Variants in PPP2R5C observed in about 807,000 individuals in gnomAD.
PPP2R5C encodes the protein protein phosphatase 2 regulatory subunit B'gamma.
In PPP2R5C, 7 loss-of-function variants were observed where a neutral mutation model predicts 68.9. The observed-to-expected ratio is 0.10, with a 90% CI of 0.06 to 0.19. PPP2R5C has a LOEUF of 0.19. PPP2R5C is among the 10% of genes least tolerant of loss of function. The probability of loss-of-function intolerance (pLI) is 1.00; values close to 1 mark genes in which losing one functional copy is unlikely to be tolerated. For synonymous variants in PPP2R5C, 210 were observed against 222.2 expected (o/e 0.95, Z 0.49); for missense variants, 348 against 641.3 (o/e 0.54, Z 4.94).
At chr14:101,869,477 G>T (rs1173981634) in intron 2 of PPP2R5C, among the ~76,000 whole-genome samples, 1 of 152,174 alleles carries the variant, frequency 6.6e-6, no homozygotes, top group Non-Finnish European at 1.5e-5. Context: ...TGGTAAGTGT[G>T]TGTTGAGCTT....
At chr14:101,839,865 G>A (rs955995128) in intron 1 of PPP2R5C, among the ~76,000 whole-genome samples, 1 of 152,214 alleles carries the variant, frequency 6.6e-6, no homozygotes, top group Non-Finnish European at 1.5e-5. Flanking sequence ...CATGAAGCCT[G>A]GCTCTCAGTG....
chr14:101,850,136 GC>G (rs33995951), intron 1 of PPP2R5C, among the ~76,000 whole-genome samples: 22,674 of 152,182 alleles, frequency 0.15, 1,895 homozygotes, highest in Non-Finnish European at 0.19. Context: ...GCTAGTAAAA[GC>G]TCCCCTCTGA....
chr14:101,924,327 AAGACAATGGATTGG>A (rs2047166447), intron 13 of PPP2R5C, among the ~76,000 whole-genome samples: 1 of 152,074 alleles, frequency 6.6e-6, no homozygotes, highest in South Asian at 2.1e-4. Context: ...AGACTTTAGA[AAGACAATGGATTGG>A]AGAAGAGAGT....
intron 2 of PPP2R5C, among the ~76,000 whole-genome samples, chr14:101,863,636 C>G (rs905954243): frequency 6.6e-6 from 1 of 152,114 alleles, no homozygotes; most frequent in Non-Finnish European, 1.5e-5. Flanking sequence ...GTGGCTCACA[C>G]CTGTAATCCC....
chr14:101,916,722 T>C lies in PPP2R5C; in HGVS notation c.1327-1109T>C, dbSNP rs1171585363. ...GGGGCAGGGGTGAGGGGGCAGGGGG[T>C]GAGAGGCAGGGGTGAAGCAGGTCAG... is the stretch of plus-strand genomic sequence containing the variant. On this transcript the variant is annotated intron_variant, in intron 12 of 13. Coordinates refer to ENST00000334743, the Ensembl canonical transcript of PPP2R5C. The surrounding 1 kb of genome is among the most constrained non-coding windows in gnomAD (Gnocchi z 5.5). Among the ~76,000 whole-genome samples the C allele has an allele frequency of 1.4e-5, 2 of 142,178 alleles. No homozygotes were observed. Among genetic ancestry groups the C allele is most frequent in the African/African-American group, 5.2e-5 (2 of 38,192 alleles). 93.3% of individuals were successfully genotyped at this position (142,178 alleles called of 152,430 possible). A position where few individuals can be genotyped will look rare whatever the true frequency, so the allele number is the denominator to read the frequency against.
At chr14:101,790,299 G>T (rs1181386688) in intron 3 of PPP2R5C, among the ~76,000 whole-genome samples, 1 of 152,072 alleles carries the variant, frequency 6.6e-6, no homozygotes, top group Non-Finnish European at 1.5e-5. Context: ...CTCACCCATT[G>T]TAACTGGAAA....
chr14:101,864,515 A>G (rs1217274731), intron 2 of PPP2R5C, among the ~76,000 whole-genome samples: 1 of 152,210 alleles, frequency 6.6e-6, no homozygotes, highest in Non-Finnish European at 1.5e-5. Flanking sequence ...ACGAGGGCCA[A>G]GGACTGCGGT....
intron 1 of PPP2R5C, among the ~76,000 whole-genome samples, chr14:101,821,266 A>G (rs996057965): frequency 1.3e-5 from 2 of 152,028 alleles, no homozygotes; most frequent in African/African-American, 2.4e-5. Flanking sequence ...GCCATTTTCA[A>G]GTAATCAATT....
exon 14 of PPP2R5C, chr14:101,925,393 A>T: frequency 6.9e-7 from 1 of 1,439,070 alleles, no homozygotes; most frequent in Non-Finnish European, 9.2e-7. Flanking sequence ...CCCGTTCCGT[A>T]GGCAATAACG....
At chr14:101,881,551 A>G (rs975994907) in intron 2 of PPP2R5C, among the ~76,000 whole-genome samples, 4 of 152,218 alleles carry the variant, frequency 2.6e-5, no homozygotes, top group East Asian at 1.9e-4. Context: ...CTAACAGCCC[A>G]TGCCTGGGCG....
rs1256557391 is a variant in PPP2R5C at position 101,913,437 on chromosome 14, T to C, written c.1326+964T>C. On this transcript the variant is annotated intron_variant, in intron 12 of 13. Coordinates refer to ENST00000334743, the Ensembl canonical transcript of PPP2R5C. The surrounding 1 kb of genome is among the most constrained non-coding windows in gnomAD (Gnocchi z 4.1). ...TAACAACATACTGGTTTGTATACTCTGATAAAACTGCAATCAGGAAACTCA... is the reference window on the plus strand; with the variant it reads ...TAACAACATACTGGTTTGTATACTCCGATAAAACTGCAATCAGGAAACTCA... Among the ~76,000 whole-genome samples, 3 of 152,250 alleles carry C rather than the reference T, an allele frequency of 2.0e-5. No individual in the cohort carries two copies. Among genetic ancestry groups the C allele is most frequent in the African/African-American group, 7.2e-5 (3 of 41,464 alleles).
intron 1 of PPP2R5C, among the ~76,000 whole-genome samples, chr14:101,837,070 G>A (rs1286123729): frequency 2.0e-5 from 3 of 152,216 alleles, no homozygotes; most frequent in Non-Finnish European, 4.4e-5. Context: ...ATTACTGTGA[G>A]CCAGTAGAGA....
At chr14:101,828,404 A>AT (rs1035019419) in intron 1 of PPP2R5C, among the ~76,000 whole-genome samples, 1 of 152,078 alleles carries the variant, frequency 6.6e-6, no homozygotes, top group African/African-American at 2.4e-5. Flanking sequence ...TGAATTTTCC[A>AT]TTTTTTTGAA....
At chr14:101,859,721 G>T (rs1215130651) in intron 2 of PPP2R5C, among the ~76,000 whole-genome samples, 1 of 152,092 alleles carries the variant, frequency 6.6e-6, no homozygotes, top group African/African-American at 2.4e-5. Flanking sequence ...GCAGTGCCTG[G>T]GCCTGGTGTG....
At position 101,910,996 on chromosome 14, in the gene PPP2R5C, C is replaced by CA. The variant is rs559928526; in HGVS notation, c.1253+1307dup. 3.1e-3 allele frequency among the ~76,000 whole-genome samples: 475 copies of CA among 151,906 alleles called. 6 individuals carry two copies. Among genetic ancestry groups the CA allele is most frequent in the African/African-American group, 0.011 (450 of 41,390 alleles). On this transcript the variant is annotated intron_variant, in intron 11 of 13. Coordinates refer to ENST00000334743, the Ensembl canonical transcript of PPP2R5C. Reference sequence around the variant, plus strand: ...GCAGGCGCCTGTGGTCCCAGCTACTCAGAGTCTGAGGCAGGAGAATGGTGT... The same window carrying CA: ...GCAGGCGCCTGTGGTCCCAGCTACTCAAGAGTCTGAGGCAGGAGAATGGTGT...
intron 10 of PPP2R5C, among the ~76,000 whole-genome samples, chr14:101,909,292 T>G (rs1433909867): frequency 6.6e-6 from 1 of 152,246 alleles, no homozygotes; most frequent in African/African-American, 2.4e-5. Flanking sequence ...TTAACTATAT[T>G]TGTTCAAGTT....
chr14:101,785,935 T>C, intron 2 of PPP2R5C, 83 bp from the exon 3 acceptor site: 2 of 1,275,088 alleles, frequency 1.6e-6, no homozygotes, highest in East Asian at 5.4e-5. Flanking sequence ...GTAAGACTCA[T>C]GTATATGTTT....
At chr14:101,887,876 G>A in intron 5 of PPP2R5C, among the ~76,000 whole-genome samples, 1 of 152,124 alleles carries the variant, frequency 6.6e-6, no homozygotes, top group East Asian at 1.9e-4. Flanking sequence ...TTAGTGTCTG[G>A]GGGGTCTGAT....
chr14:101,895,935 G>A (rs1351547242), intron 8 of PPP2R5C, among the ~76,000 whole-genome samples: 1 of 152,162 alleles, frequency 6.6e-6, no homozygotes. Flanking sequence ...ATTCCCTGCA[G>A]CAATGCACAA....
Sources: gnomAD v4.1 joint callset for allele counts (sites outside exome capture counted in the v4.1 genomes callset) on GRCh38, gnomAD v4.1.1 for gene constraint, Gnocchi (gnomAD v3.1) non-coding constraint, MANE v1.5 for transcripts, NCBI Gene and HGNC (gene_info 2026-07-23, HGNC 2026-07-21) for gene names.